Variants in DLGAP2 observed in about 807,000 individuals in gnomAD.
DLGAP2 encodes the protein disks large-associated protein 2.
A neutral mutation model predicts 100.3 loss-of-function variants in DLGAP2; 26 were observed. The ratio of observed to expected loss-of-function variants is 0.26; its 90% CI spans 0.19 to 0.36. DLGAP2 has a LOEUF of 0.36. DLGAP2 is among the 10% of genes least tolerant of loss of function. DLGAP2 has a pLI of 1.00. For synonymous variants in DLGAP2, 886 were observed against 630.1 expected (o/e 1.41, Z -6.08); for missense variants, 1,858 against 1,453.2 (o/e 1.28, Z -4.53).
chr8:1,304,059 T>C (rs2117002532), intron 3 of DLGAP2, among the ~76,000 whole-genome samples: 1 of 152,294 alleles, frequency 6.6e-6, no homozygotes, highest in South Asian at 2.1e-4. Context: ...ACTGCAAAGG[T>C]CAGCAGCAGA....
intron 1 of DLGAP2, among the ~76,000 whole-genome samples, chr8:834,930 G>T (rs1796844714): frequency 6.6e-6 from 1 of 152,162 alleles, no homozygotes; most frequent in African/African-American, 2.4e-5. Flanking sequence ...CCCAAGCAAG[G>T]CTGTCACATT....
At chr8:801,401 C>G (rs1796148750) in intron 1 of DLGAP2, among the ~76,000 whole-genome samples, 1 of 152,044 alleles carries the variant, frequency 6.6e-6, no homozygotes, top group Non-Finnish European at 1.5e-5. Flanking sequence ...TGCATAAGGC[C>G]CCGTGGGCCC....
At chr8:1,515,050 G>A (rs1800317748) in intron 4 of DLGAP2, among the ~76,000 whole-genome samples, 1 of 152,028 alleles carries the variant, frequency 6.6e-6, no homozygotes. Flanking sequence ...AACGTGCAGG[G>A]ATACCGATCC....
At chr8:1,618,347 T>G (rs1797224228) in intron 6 of DLGAP2, among the ~76,000 whole-genome samples, 1 of 152,196 alleles carries the variant, frequency 6.6e-6, no homozygotes, top group Admixed American at 6.5e-5. Flanking sequence ...CAGTTAGTTT[T>G]AAACATCTCA....
intron 1 of DLGAP2, among the ~76,000 whole-genome samples, chr8:796,906 C>T (rs1226809985): frequency 7.0e-6 from 1 of 143,210 alleles, no homozygotes; most frequent in African/African-American, 2.4e-5. Flanking sequence ...CAGCAAACAC[C>T]TACTTATCTT....
intron 2 of DLGAP2, among the ~76,000 whole-genome samples, chr8:1,199,474 A>AC (rs1449234320): frequency 6.6e-6 from 1 of 152,188 alleles, no homozygotes; most frequent in African/African-American, 2.4e-5. Context: ...AGGAGGACAC[A>AC]GTAAAGGCAC....
chr8:1,662,301 C>G (rs1798426060), intron 8 of DLGAP2, among the ~76,000 whole-genome samples: 1 of 152,210 alleles, frequency 6.6e-6, no homozygotes, highest in Non-Finnish European at 1.5e-5. Context: ...TCCCTTTAAA[C>G]AGTTTGGGTC....
chr8:1,665,514 A>G (rs759513630), intron 8 of DLGAP2, among the ~76,000 whole-genome samples: 7 of 149,634 alleles, frequency 4.7e-5, no homozygotes, highest in Non-Finnish European at 7.4e-5. Context: ...CTTTCTGCTC[A>G]TCTCAAACTT....
chr8:1,571,717 G>A (rs1584940884), intron 6 of DLGAP2, among the ~76,000 whole-genome samples: 2 of 136,832 alleles, frequency 1.5e-5, no homozygotes, highest in Admixed American at 7.1e-5. Flanking sequence ...AGGGTGAACT[G>A]TGGGGGCGTC....
intron 4 of DLGAP2, among the ~76,000 whole-genome samples, chr8:1,536,699 G>T (rs942570983): frequency 6.6e-6 from 1 of 152,286 alleles, no homozygotes; most frequent in Middle Eastern, 3.4e-3. Context: ...ATCTGAACCC[G>T]CGTTTGGTCT....
At chr8:910,459 A>G (rs1798462629) in intron 2 of DLGAP2, 1 of 152,226 alleles carries the variant, frequency 6.6e-6, no homozygotes, top group South Asian at 2.1e-4. Flanking sequence ...GCTTGTTCTC[A>G]GAAAAGTGTG....
intron 3 of DLGAP2, among the ~76,000 whole-genome samples, chr8:1,349,572 GTGTTTGAGGGA>G (rs1393991827): frequency 8.7e-6 from 1 of 114,298 alleles, no homozygotes; most frequent in African/African-American, 3.5e-5. Flanking sequence ...ATAGGAAGGG[GTGTTTGAGGGA>G]GACTATCATG....
intron 8 of DLGAP2, among the ~76,000 whole-genome samples, chr8:1,636,007 A>G (rs1006160881): frequency 1.3e-5 from 2 of 152,286 alleles, no homozygotes; most frequent in East Asian, 3.9e-4. Flanking sequence ...CCACGCATAT[A>G]AACGTTCCTT....
At chr8:1,390,672 C>G (rs1234041482) in intron 3 of DLGAP2, among the ~76,000 whole-genome samples, 1 of 152,158 alleles carries the variant, frequency 6.6e-6, no homozygotes, top group East Asian at 1.9e-4. Flanking sequence ...CCGCCAAGCT[C>G]TGATCTGAGT....
chr8:757,100 C>T (rs548487715), intron 1 of DLGAP2, among the ~76,000 whole-genome samples: 4 of 152,276 alleles, frequency 2.6e-5, no homozygotes, highest in Admixed American at 1.3e-4. Context: ...CTGGAATACT[C>T]GTCATCAACC....
At chr8:1,508,006 C>T (rs969182756) in intron 4 of DLGAP2, among the ~76,000 whole-genome samples, 1 of 151,920 alleles carries the variant, frequency 6.6e-6, no homozygotes, top group Non-Finnish European at 1.5e-5. Flanking sequence ...AGGAAAGGGG[C>T]CCTGAGGTGC....
intron 1 of DLGAP2, among the ~76,000 whole-genome samples, chr8:792,181 A>G (rs904759791): frequency 9.8e-5 from 15 of 152,340 alleles, no homozygotes; most frequent in African/African-American, 3.4e-4. Flanking sequence ...ATTAGATATT[A>G]ATATTTATGT....
chr8:1,458,770 G>C (rs914023904), intron 3 of DLGAP2, among the ~76,000 whole-genome samples: 1 of 152,210 alleles, frequency 6.6e-6, no homozygotes, highest in Non-Finnish European at 1.5e-5. Context: ...AGAGAACACA[G>C]GGAGTTTTCT....
chr8:1,135,344 C>G (rs1440525567), intron 2 of DLGAP2, among the ~76,000 whole-genome samples: 1 of 152,110 alleles, frequency 6.6e-6, no homozygotes, highest in African/African-American at 2.4e-5. Flanking sequence ...AAAACAAAAG[C>G]AAAGCTAAGG....
Sources: gnomAD v4.1 joint callset for allele counts (sites outside exome capture counted in the v4.1 genomes callset) on GRCh38, gnomAD v4.1.1 for gene constraint, MANE v1.5 for transcripts, NCBI Gene and HGNC (gene_info 2026-07-23, HGNC 2026-07-21) for gene names.